The following PHYHIPL variants were observed in gnomAD, a reference collection of about 807,000 sequenced individuals.
The protein encoded by PHYHIPL is phytanoyl-CoA 2-hydroxylase interacting protein like, also known as phytanoyl-CoA hydroxylase-interacting protein-like.
Under a neutral mutation model 33.4 loss-of-function variants are expected in PHYHIPL, and 9 were observed. The observed-to-expected ratio is 0.27, with a 90% CI of 0.16 to 0.47. The LOEUF (loss-of-function observed/expected upper bound fraction) is 0.47. Among genes scored for constraint, PHYHIPL ranks in the 20% least tolerant of loss-of-function variants. The pLI, the probability that PHYHIPL is intolerant of heterozygous loss-of-function variation, is 0.99. For missense variants in PHYHIPL, 365 were observed against 460.7 expected (o/e 0.79, Z 1.90); for synonymous variants, 153 against 154.1 (o/e 0.99, Z 0.05).
chr10:59,202,082 A>C (rs967161488), intron 1 of PHYHIPL, among the ~76,000 whole-genome samples: 1 of 152,168 alleles, frequency 6.6e-6, no homozygotes, highest in Non-Finnish European at 1.5e-5. Flanking sequence ...GGTATAAGGA[A>C]TCACTCCAAC....
chr10:59,225,377 C>T (rs572128738), intron 1 of PHYHIPL, among the ~76,000 whole-genome samples: 1 of 151,794 alleles, frequency 6.6e-6, no homozygotes, highest in South Asian at 2.1e-4. Flanking sequence ...GAAGGATGGA[C>T]AGCTAGCAAC....
At chr10:59,242,961 CAA>C (rs1283881312) in intron 4 of PHYHIPL, among the ~76,000 whole-genome samples, 1 of 152,082 alleles carries the variant, frequency 6.6e-6, no homozygotes, top group East Asian at 1.9e-4. Context: ...AAGGAAAAGA[CAA>C]AGAGGGTGGG....
chr10:59,234,308 C>A lies in PHYHIPL; in HGVS notation c.111C>A (p.Asn37Lys). The A allele has an allele frequency of 6.4e-7, 1 of 1,564,598 alleles. No homozygotes were observed. Among genetic ancestry groups the A allele is most frequent in the Non-Finnish European group, 8.6e-7 (1 of 1,164,132 alleles). The stretch of plus-strand genomic sequence containing the variant: ...CTGTGCATTGTTTTCTTGCAGGGAA[C>A]AAATCACAAGACAGTGGCATAGCAG... ...EAIQLCDRDGNKSQDSGIAEM... is the reference protein window; with the variant it reads ...EAIQLCDRDGKKSQDSGIAEM... The change falls in exon 2 of 5, where the codon AAC becomes AAA. Residue 37 changes from asparagine (N) to lysine (K), a missense_variant. Physicochemically the swap from Asn to Lys is moderately conservative, Grantham distance 94. This residue lies in a region of PHYHIPL where 89 missense variants were observed against 78.3 expected (regional missense o/e 1.14). Transcript: ENST00000373880.
intron 1 of PHYHIPL, among the ~76,000 whole-genome samples, chr10:59,195,818 A>C (rs1838897283): frequency 6.6e-6 from 1 of 152,280 alleles, no homozygotes; most frequent in Non-Finnish European, 1.5e-5. Flanking sequence ...TGTAAATGCC[A>C]TGGTTATATT....
intron 1 of PHYHIPL, among the ~76,000 whole-genome samples, chr10:59,211,143 T>G (rs1053504229): frequency 2.0e-5 from 3 of 151,654 alleles, no homozygotes; most frequent in African/African-American, 4.9e-5. Flanking sequence ...GAGGCCGAGG[T>G]GGGAGCATCA....
intron 1 of PHYHIPL, among the ~76,000 whole-genome samples, chr10:59,228,222 A>G (rs1230639285): frequency 2.0e-5 from 3 of 152,142 alleles, no homozygotes; most frequent in African/African-American, 7.2e-5. Context: ...TTAATAGAAT[A>G]GAATACAAAA....
chr10:59,190,928 C>T (rs1308951380), intron 1 of PHYHIPL, among the ~76,000 whole-genome samples: 1 of 151,850 alleles, frequency 6.6e-6, no homozygotes, highest in African/African-American at 2.4e-5. Context: ...TTATCCAAAA[C>T]TATTTTTTAA....
rs766287927 is a variant in PHYHIPL at position 59,247,603 on chromosome 10, T to C, written c.*2012T>C. 14 of 1,613,226 alleles carry C rather than the reference T, an allele frequency of 8.7e-6. No homozygotes were observed. Among genetic ancestry groups the C allele is most frequent in the South Asian group, 2.2e-5 (2 of 90,968 alleles). Reference sequence around the variant, plus strand: ...ATCATGGGTGAAAGTGATCATAACATTTCCTGAACCTCAAATAGTTTTGGC... The same window carrying C: ...ATCATGGGTGAAAGTGATCATAACACTTCCTGAACCTCAAATAGTTTTGGC... On this transcript the variant is annotated 3_prime_UTR_variant, in exon 5 of 5. Coordinates refer to ENST00000373880, the MANE Select transcript of PHYHIPL (RefSeq NM_032439.4).
chr10:59,218,283 G>A (rs994200481), intron 1 of PHYHIPL, among the ~76,000 whole-genome samples: 1 of 152,132 alleles, frequency 6.6e-6, no homozygotes, highest in Admixed American at 6.6e-5. Flanking sequence ...ATGGGTCCTC[G>A]AAGCTTAAGC....
intron 2 of PHYHIPL, 47 bp downstream of exon 2, chr10:59,234,547 T>C: frequency 1.5e-6 from 2 of 1,327,452 alleles, no homozygotes; most frequent in Non-Finnish European, 2.0e-6. Flanking sequence ...TAAAACTTTC[T>C]AAGTATGAGG....
chr10:59,217,890 C>A (rs942430151), intron 1 of PHYHIPL, among the ~76,000 whole-genome samples: 1 of 151,988 alleles, frequency 6.6e-6, no homozygotes, highest in Non-Finnish European at 1.5e-5. Context: ...TCTTTCATAT[C>A]CAGGGATTCA....
chr10:59,189,009 T>C (rs555483107), intron 1 of PHYHIPL, among the ~76,000 whole-genome samples: 5 of 152,244 alleles, frequency 3.3e-5, no homozygotes, highest in Admixed American at 1.3e-4. Context: ...TCAATAGATA[T>C]GTTTTAAAAA....
At chr10:59,227,330 G>A (rs1490150109) in intron 1 of PHYHIPL, among the ~76,000 whole-genome samples, 1 of 152,052 alleles carries the variant, frequency 6.6e-6, no homozygotes, top group Non-Finnish European at 1.5e-5. Context: ...ACATGCACTA[G>A]AGGCTGGGCT....
At chr10:59,196,587 T>G (rs2133208238) in intron 1 of PHYHIPL, among the ~76,000 whole-genome samples, 1 of 151,830 alleles carries the variant, frequency 6.6e-6, no homozygotes, top group Non-Finnish European at 1.5e-5. Flanking sequence ...CCAGGCTAAT[T>G]TTTTGTATTT....
intron 1 of PHYHIPL, chr10:59,177,565 G>A (rs897261395): frequency 1.3e-6 from 2 of 1,551,602 alleles, no homozygotes; most frequent in African/African-American, 2.7e-5. Flanking sequence ...CTCTGAGTCA[G>A]ACTGTCGAAA....
At chr10:59,197,814 T>A (rs553842048) in intron 1 of PHYHIPL, among the ~76,000 whole-genome samples, 9 of 152,194 alleles carry the variant, frequency 5.9e-5, no homozygotes, top group African/African-American at 2.2e-4. Flanking sequence ...GACATCTACC[T>A]TATCTCCAAA....
At position 59,176,946 on chromosome 10, in the gene PHYHIPL, G is replaced by A; in HGVS notation, c.93G>A (p.Leu31=). 1 of 1,613,318 alleles carries A rather than the reference G, an allele frequency of 6.2e-7. No individual in the cohort carries two copies. Among genetic ancestry groups the A allele is most frequent in the Non-Finnish European group, 8.5e-7 (1 of 1,179,738 alleles). The part of the protein sequence containing the change: ...IKNLSLEAIQ[L]CDRDGNKSQD... ...ACCTCAGCCTGGAGGCCATTCAGCT[G>A]TGCGACCGGGACGGTAAGAGCGGCC... Residue 31 remains leucine (L), a synonymous_variant, in exon 1 of 5, where the codon CTG becomes CTA. Coordinates refer to ENST00000373880, the MANE Select transcript of PHYHIPL (RefSeq NM_032439.4).
At chr10:59,209,215 C>CT (rs1478091428) in intron 1 of PHYHIPL, among the ~76,000 whole-genome samples, 3 of 152,352 alleles carry the variant, frequency 2.0e-5, no homozygotes, top group East Asian at 3.9e-4. Context: ...GCCCATCAGA[C>CT]TAACAGCTGA....
At chr10:59,177,281 C>G (rs994209769) in intron 1 of PHYHIPL, 13 of 613,728 alleles carry the variant, frequency 2.1e-5, no homozygotes, top group Non-Finnish European at 3.0e-5. Context: ...CGATCTTTGC[C>G]GCAGTCCGGA....
Sources: allele counts gnomAD v4.1 joint callset (sites outside exome capture counted in the v4.1 genomes callset), GRCh38; gene constraint gnomAD v4.1.1; regional missense constraint gnomAD v4.1.1; transcripts MANE v1.5; gene names NCBI Gene and HGNC (gene_info 2026-07-23, HGNC 2026-07-21).